The following HS3ST4 variants were observed in gnomAD, a reference collection of about 807,000 sequenced individuals.
HS3ST4 encodes heparan sulfate-glucosamine 3-sulfotransferase 4, also known as heparan sulfate glucosamine 3-O-sulfotransferase 4.
A neutral mutation model predicts 29.2 loss-of-function variants in HS3ST4; 17 were observed. The ratio of observed to expected loss-of-function variants is 0.58; its 90% CI spans 0.40 to 0.87. The LOEUF is 0.87. Ranked by LOEUF, HS3ST4 falls within the 40% of genes least tolerant of loss-of-function variation. The pLI, the probability that HS3ST4 is intolerant of heterozygous loss-of-function variation, is 0.00. For synonymous variants in HS3ST4, 314 were observed against 285.7 expected (o/e 1.10, Z -1.00); for missense variants, 627 against 634.5 (o/e 0.99, Z 0.13).
At chr16:26,101,650 T>C (rs550059411) in intron 1 of HS3ST4, among the ~76,000 whole-genome samples, 12 of 152,324 alleles carry the variant, frequency 7.9e-5, no homozygotes, top group African/African-American at 2.9e-4. Flanking sequence ...ATATGCATAG[T>C]ATCTGGGTAT....
At chr16:26,086,472 C>T (rs141122212) in intron 1 of HS3ST4, among the ~76,000 whole-genome samples, 17,655 of 152,028 alleles carry the variant, frequency 0.12, 1,426 homozygotes, top group African/African-American at 0.21. Flanking sequence ...GCCTCAGCCT[C>T]CCGAGTAGCT....
At chr16:26,076,112 G>A (rs1006099919) in intron 1 of HS3ST4, among the ~76,000 whole-genome samples, 40 of 152,094 alleles carry the variant, frequency 2.6e-4, no homozygotes, top group African/African-American at 8.0e-4. Context: ...TGGTTTTATC[G>A]GTGTCTATGG....
intron 1 of HS3ST4, among the ~76,000 whole-genome samples, chr16:26,094,745 A>C (rs1038551539): frequency 6.6e-6 from 1 of 152,228 alleles, no homozygotes; most frequent in African/African-American, 2.4e-5. Flanking sequence ...TAATGACAGG[A>C]TCAAATTCAC....
At chr16:25,730,932 G>A (rs1379525107) in intron 1 of HS3ST4, among the ~76,000 whole-genome samples, 1 of 152,138 alleles carries the variant, frequency 6.6e-6, no homozygotes, top group Non-Finnish European at 1.5e-5. Flanking sequence ...GCTTATTACA[G>A]TGAAATGACA....
intron 1 of HS3ST4, among the ~76,000 whole-genome samples, chr16:25,939,330 C>CATTATTATT (rs1016503310): frequency 5.9e-5 from 2 of 33,704 alleles, no homozygotes; most frequent in Non-Finnish European, 1.4e-4. Flanking sequence ...TTATTATTAT[C>CATTATTATT]ATTATTATTA....
At chr16:25,917,255 C>T (rs1968302154) in intron 1 of HS3ST4, among the ~76,000 whole-genome samples, 1 of 152,096 alleles carries the variant, frequency 6.6e-6, no homozygotes, top group African/African-American at 2.4e-5. Context: ...CTCTGTCACC[C>T]AGGCCGGAGT....
chr16:25,939,327 T>TATC (rs879278655), intron 1 of HS3ST4, among the ~76,000 whole-genome samples: 1 of 36,848 alleles, frequency 2.7e-5, no homozygotes, highest in Non-Finnish European at 6.7e-5. Flanking sequence ...TTATTATTAT[T>TATC]ATCATTATTA....
At chr16:25,968,489 A>C (rs1356996871) in intron 1 of HS3ST4, among the ~76,000 whole-genome samples, 2 of 152,082 alleles carry the variant, frequency 1.3e-5, no homozygotes, top group African/African-American at 4.8e-5. Flanking sequence ...TGTGATGCTG[A>C]CACTGAGTGA....
At chr16:25,930,076 TGA>T (rs1208355971) in intron 1 of HS3ST4, among the ~76,000 whole-genome samples, 3 of 152,236 alleles carry the variant, frequency 2.0e-5, no homozygotes, top group Non-Finnish European at 4.4e-5. Flanking sequence ...TGTTCCTGTG[TGA>T]GTTTGCTGAG....
intron 1 of HS3ST4, among the ~76,000 whole-genome samples, chr16:25,777,393 A>G (rs1253653972): frequency 6.6e-6 from 1 of 151,470 alleles, no homozygotes; most frequent in Non-Finnish European, 1.5e-5. Flanking sequence ...CACTGGAGAT[A>G]CAGCAGAAAG....
intron 1 of HS3ST4, among the ~76,000 whole-genome samples, chr16:25,890,456 C>A (rs891920292): frequency 6.6e-6 from 1 of 152,198 alleles, no homozygotes; most frequent in African/African-American, 2.4e-5. Context: ...ATCTTAGCCA[C>A]ACCTACTACA....
chr16:26,042,759 T>A (rs1969646709), intron 1 of HS3ST4, among the ~76,000 whole-genome samples: 1 of 150,592 alleles, frequency 6.6e-6, no homozygotes, highest in Non-Finnish European at 1.5e-5. Flanking sequence ...GACTTTTTGT[T>A]CTCTCTCCTT....
intron 1 of HS3ST4, among the ~76,000 whole-genome samples, chr16:25,694,606 G>T (rs1966279976): frequency 6.6e-6 from 1 of 152,150 alleles, no homozygotes; most frequent in African/African-American, 2.4e-5. Flanking sequence ...ATGGCTTCCA[G>T]TTTGTGATTA....
rs181275421 is a variant in HS3ST4, at chr16:25,849,379, A to C, written c.734+156228A>C. Among the ~76,000 whole-genome samples the C allele has an allele frequency of 2.4e-3, 360 of 152,270 alleles. 7 individuals carry two copies. The highest frequency in any genetic ancestry group is 8.1e-4 in the Non-Finnish European group (55 of 68,014). Reference sequence around the variant, plus strand: ...TTAAAATCCTTCTTTTGATTGGTGAATCTCTGAGCAAGAAATGTGTCACTT... The same window carrying C: ...TTAAAATCCTTCTTTTGATTGGTGACTCTCTGAGCAAGAAATGTGTCACTT... On this transcript the variant is annotated intron_variant, in intron 1 of 1. Coordinates refer to ENST00000331351, the MANE Select transcript of HS3ST4 (RefSeq NM_006040.3).
intron 1 of HS3ST4, among the ~76,000 whole-genome samples, chr16:25,957,984 G>A (rs1968754264): frequency 6.6e-6 from 1 of 152,232 alleles, no homozygotes; most frequent in East Asian, 1.9e-4. Flanking sequence ...GCCAGGAAGG[G>A]TTGTTTCAGG....
chr16:25,957,280 C>T (rs1461715824), intron 1 of HS3ST4, among the ~76,000 whole-genome samples: 1 of 152,184 alleles, frequency 6.6e-6, no homozygotes, highest in Non-Finnish European at 1.5e-5. Context: ...CTTCCCCTGC[C>T]TCTTCTCTGG....
chr16:26,051,688 C>T (rs940917152), intron 1 of HS3ST4, among the ~76,000 whole-genome samples: 1 of 150,318 alleles, frequency 6.7e-6, no homozygotes, highest in South Asian at 2.2e-4. Flanking sequence ...CTCTCATCTT[C>T]CCTCCCTCTC....
intron 1 of HS3ST4, among the ~76,000 whole-genome samples, chr16:25,728,355 C>T (rs574150650): frequency 6.6e-6 from 1 of 152,240 alleles, no homozygotes; most frequent in East Asian, 1.9e-4. Context: ...CTGACTCAGG[C>T]TCAAATATCA....
At chr16:26,028,490 T>A (rs961529421) in intron 1 of HS3ST4, among the ~76,000 whole-genome samples, 7 of 152,086 alleles carry the variant, frequency 4.6e-5, no homozygotes, top group East Asian at 3.9e-4. Context: ...GTTGCCCAGG[T>A]TGGTCTCCAA....
Sources: allele counts gnomAD v4.1 joint callset (sites outside exome capture counted in the v4.1 genomes callset), GRCh38; gene constraint gnomAD v4.1.1; transcripts MANE v1.5; gene names NCBI Gene and HGNC (gene_info 2026-07-23, HGNC 2026-07-21).